The following RORA variants were observed in gnomAD, a reference collection of about 807,000 sequenced individuals.
The protein encoded by RORA is RAR related orphan receptor A.
In RORA, 7 loss-of-function variants were observed where a neutral mutation model predicts 69.5. The ratio of observed to expected loss-of-function variants is 0.10; its 90% CI spans 0.06 to 0.19. The LOEUF (loss-of-function observed/expected upper bound fraction) is 0.19. Ranked by LOEUF, RORA falls within the 10% of genes least tolerant of loss-of-function variation. The probability of loss-of-function intolerance (pLI) is 1.00; values close to 1 mark genes in which losing one functional copy is unlikely to be tolerated. For missense variants in RORA, 457 were observed against 663.0 expected (o/e 0.69, Z 3.41); for synonymous variants, 261 against 240.8 (o/e 1.08, Z -0.78).
At chr15:60,979,394 A>C (rs765732405) in intron 1 of RORA, among the ~76,000 whole-genome samples, 2 of 151,742 alleles carry the variant, frequency 1.3e-5, no homozygotes, top group Non-Finnish European at 2.9e-5. Context: ...AACTGCAAAA[A>C]AGCAGCTGGA....
At chr15:60,968,503 C>T (rs190987849) in intron 1 of RORA, among the ~76,000 whole-genome samples, 3 of 152,310 alleles carry the variant, frequency 2.0e-5, no homozygotes, top group Admixed American at 2.0e-4. Context: ...CAGGCTCACA[C>T]TGGAATCAAC....
At chr15:60,730,789 G>T (rs1462371963) in intron 1 of RORA, among the ~76,000 whole-genome samples, 1 of 151,840 alleles carries the variant, frequency 6.6e-6, no homozygotes, top group Non-Finnish European at 1.5e-5. Context: ...TAAATAGAAA[G>T]GTATGTTACA....
intron 1 of RORA, among the ~76,000 whole-genome samples, chr15:60,845,520 GC>G (rs958569907): frequency 6.6e-6 from 1 of 152,152 alleles, no homozygotes; most frequent in Non-Finnish European, 1.5e-5. Context: ...TTCCGGGGGT[GC>G]CGATTGGAAG....
chr15:60,635,684 G>T (rs2069822287), intron 2 of RORA, among the ~76,000 whole-genome samples: 1 of 152,192 alleles, frequency 6.6e-6, no homozygotes, highest in African/African-American at 2.4e-5. Flanking sequence ...ATCCAAGGGT[G>T]CTATGTGGCA....
At chr15:60,715,253 A>G (rs374591902) in intron 1 of RORA, among the ~76,000 whole-genome samples, 1 of 152,236 alleles carries the variant, frequency 6.6e-6, no homozygotes, top group East Asian at 1.9e-4. Flanking sequence ...ACAAGGACAT[A>G]GTGAGAAGCA....
chr15:60,969,429 G>A (rs554915169), intron 1 of RORA, among the ~76,000 whole-genome samples: 2 of 152,172 alleles, frequency 1.3e-5, no homozygotes, highest in South Asian at 4.2e-4. Flanking sequence ...AAAGCTTTTT[G>A]GGTGATTCTA....
chr15:61,220,519 C>T (rs1209578399), intron 1 of RORA, among the ~76,000 whole-genome samples: 2 of 152,224 alleles, frequency 1.3e-5, no homozygotes, highest in African/African-American at 4.8e-5. Flanking sequence ...TGGCATCGAT[C>T]ATATGGGATG....
rs1364085145 is a variant in RORA at position 60,494,479 on chromosome 15, C to G, written c.*2976G>C. The G allele has an allele frequency of 1.3e-5, 2 of 152,216 alleles. No individual in the cohort carries two copies. Among genetic ancestry groups the G allele is most frequent in the Admixed American group, 6.5e-5 (1 of 15,288 alleles). The allele number at this position is 152,216 out of a possible 1,614,324, so 9.4% of individuals were successfully genotyped here. ...ATAAAAACTATTAAGGATAATTGTT[C>G]TGATATCACCCAAGTATTTTATGTC... On this transcript the variant is annotated 3_prime_UTR_variant, in exon 11 of 11. Transcript: ENST00000335670.
intron 1 of RORA, among the ~76,000 whole-genome samples, chr15:61,043,248 A>G (rs1279119288): frequency 6.6e-6 from 1 of 152,148 alleles, no homozygotes; most frequent in Non-Finnish European, 1.5e-5. Flanking sequence ...TAACACTCTA[A>G]CCCACAGGGC....
In RORA at chr15:60,903,091, T is replaced by A. The variant is rs563367541; in HGVS notation, c.167-224405A>T. ...CACTATCTTGACCTTTCTGGCTGAG[T>A]CTATTAGCTCAGAGGTGGCACTCCA... On this transcript the variant is annotated intron_variant, in intron 1 of 10. Coordinates refer to ENST00000335670, the MANE Select transcript of RORA (RefSeq NM_134261.3). Among the ~76,000 whole-genome samples the A allele has an allele frequency of 3.6e-4, 55 of 152,270 alleles. No individual in the cohort carries two copies. The Middle Eastern group carries it at 0.031, about 85-fold the overall frequency.
intron 2 of RORA, among the ~76,000 whole-genome samples, chr15:60,550,918 C>T (rs569678601): frequency 6.6e-6 from 1 of 152,298 alleles, no homozygotes; most frequent in Non-Finnish European, 1.5e-5. Context: ...GGTTTTGCTG[C>T]TCCTTCTGCT....
intron 1 of RORA, among the ~76,000 whole-genome samples, chr15:61,087,323 A>C (rs2078639938): frequency 6.6e-6 from 1 of 152,268 alleles, no homozygotes; most frequent in Non-Finnish European, 1.5e-5. Context: ...ACCAATTACC[A>C]GATAAATTAA....
At chr15:60,498,813 A>G (rs564869005) in intron 10 of RORA, among the ~76,000 whole-genome samples, 2 of 152,006 alleles carry the variant, frequency 1.3e-5, no homozygotes, top group South Asian at 2.1e-4. Context: ...CAAAACAGCA[A>G]TTAACCCCCA....
chr15:60,676,338 C>T (rs1301808175), intron 2 of RORA, among the ~76,000 whole-genome samples: 1 of 152,194 alleles, frequency 6.6e-6, no homozygotes, highest in Admixed American at 6.5e-5. Flanking sequence ...GCATGGAGGA[C>T]TTCCACTAAC....
intron 1 of RORA, among the ~76,000 whole-genome samples, chr15:60,912,064 AT>A (rs1482706433): frequency 1.3e-5 from 2 of 152,132 alleles, no homozygotes; most frequent in Non-Finnish European, 2.9e-5. Context: ...CAACAGGCAT[AT>A]TAGAAACTCC....
At chr15:60,888,664 AC>A (rs1274167911) in intron 1 of RORA, among the ~76,000 whole-genome samples, 2 of 152,020 alleles carry the variant, frequency 1.3e-5, no homozygotes, top group Non-Finnish European at 2.9e-5. Context: ...TATATCCTTC[AC>A]CCCACGGCTC....
chr15:60,781,814 C>A (rs529850611), intron 1 of RORA, among the ~76,000 whole-genome samples: 1 of 152,210 alleles, frequency 6.6e-6, no homozygotes. Flanking sequence ...TAGTTTGTTT[C>A]CCACTTTGTT....
chr15:60,873,538 T>G (rs1385068730), intron 1 of RORA, among the ~76,000 whole-genome samples: 1 of 152,132 alleles, frequency 6.6e-6, no homozygotes, highest in South Asian at 2.1e-4. Flanking sequence ...ATTAACAATA[T>G]GTACAGAGGA....
chr15:60,644,058 T>C (rs2069992806), intron 2 of RORA, among the ~76,000 whole-genome samples: 1 of 152,068 alleles, frequency 6.6e-6, no homozygotes, highest in African/African-American at 2.4e-5. Context: ...AAAAAAAAGA[T>C]TGATTTTGCA....
Sources: gnomAD v4.1 joint callset for allele counts (sites outside exome capture counted in the v4.1 genomes callset) on GRCh38, gnomAD v4.1.1 for gene constraint, MANE v1.5 for transcripts, NCBI Gene and HGNC (gene_info 2026-07-23, HGNC 2026-07-21) for gene names.